LRRC37A: variants seen among roughly 807,000 people sequenced by gnomAD.
The protein encoded by LRRC37A is leucine-rich repeat-containing protein 37A.
Under a neutral mutation model 35.4 loss-of-function variants are expected in LRRC37A, and 3 were observed. That is an observed-to-expected ratio of 0.08 (90% CI 0.04 to 0.22). LRRC37A has a LOEUF of 0.22. Among genes scored for constraint, LRRC37A ranks in the 10% least tolerant of loss-of-function variants. LRRC37A has a pLI of 1.00. For missense variants in LRRC37A, 67 were observed against 565.3 expected (o/e 0.12, Z 8.94); for synonymous variants, 23 against 215.0 (o/e 0.11, Z 7.81).
the LRRC37A span, among the ~76,000 whole-genome samples, chr17:46,257,088 T>C: frequency 6.6e-6 from 1 of 152,196 alleles, no homozygotes; most frequent in Admixed American, 6.5e-5. Context: ...AACCTTTCTG[T>C]GCCTCAGTTA....
the LRRC37A span, among the ~76,000 whole-genome samples, chr17:46,279,139 T>C: frequency 1.3e-5 from 2 of 152,140 alleles, no homozygotes; most frequent in Non-Finnish European, 2.9e-5. Context: ...TAAATATTTT[T>C]CTCTATACCA....
chr17:46,253,410 GAGGTTGT>G, the LRRC37A span, among the ~76,000 whole-genome samples: 1 of 152,100 alleles, frequency 6.6e-6, no homozygotes, highest in Non-Finnish European at 1.5e-5. Context: ...CTGGGAGGTG[GAGGTTGT>G]AGCCAGCCGA....
the LRRC37A span, among the ~76,000 whole-genome samples, chr17:46,280,523 T>C: frequency 7.9e-5 from 12 of 151,504 alleles, no homozygotes; most frequent in Admixed American, 7.9e-4. Flanking sequence ...TAAAAATATA[T>C]ATTATTAAAA....
At chr17:46,267,269 A>G in the LRRC37A span, 11 of 1,047,472 alleles carry the variant, frequency 1.1e-5, no homozygotes, top group Non-Finnish European at 1.5e-5. Context: ...CTAAAAACCA[A>G]CGCCCAGGGA....
chr17:46,262,610 C>A, the LRRC37A span, among the ~76,000 whole-genome samples: 1 of 152,036 alleles, frequency 6.6e-6, no homozygotes, highest in East Asian at 1.9e-4. Flanking sequence ...TTATAATTTC[C>A]TTCTTCATAA....
At chr17:46,277,653 C>CTTTCTTTCTTTTTT in the LRRC37A span, among the ~76,000 whole-genome samples, 1 of 137,864 alleles carries the variant, frequency 7.3e-6, no homozygotes, top group Non-Finnish European at 1.6e-5. Context: ...TTCTTTCTTT[C>CTTTCTTTCTTTTTT]TTTTTTTTTT....
chr17:46,300,077 T>C (rs1337462786), intron 2 of LRRC37A, among the ~76,000 whole-genome samples: 1 of 62,618 alleles, frequency 1.6e-5, no homozygotes, highest in Non-Finnish European at 4.8e-5. Context: ...TTTTTTATCA[T>C]ACAAATAGTA....
the LRRC37A span, among the ~76,000 whole-genome samples, chr17:46,272,800 A>G: frequency 1.3e-5 from 2 of 152,272 alleles, no homozygotes; most frequent in Non-Finnish European, 2.9e-5. Flanking sequence ...ATGTATTTGT[A>G]TGGTGATAGA....
intron 7 of LRRC37A, among the ~76,000 whole-genome samples, chr17:46,324,344 TTTTTTTC>T (rs1468683399): frequency 8.9e-5 from 7 of 78,378 alleles, no homozygotes; most frequent in African/African-American, 2.7e-4. Context: ...TAAGTTAGCA[TTTTTTTC>T]TTAAATGGCT....
chr17:46,248,929 C>T, the LRRC37A span, among the ~76,000 whole-genome samples: 1 of 151,630 alleles, frequency 6.6e-6, no homozygotes, highest in Admixed American at 6.6e-5. Flanking sequence ...TTCAACTGAA[C>T]ATGGATGGAG....
At chr17:46,251,140 T>C in the LRRC37A span, among the ~76,000 whole-genome samples, 1 of 152,172 alleles carries the variant, frequency 6.6e-6, no homozygotes, top group African/African-American at 2.4e-5. Flanking sequence ...AGGTGAATTG[T>C]CTGTTTTATC....
chr17:46,271,209 A>C, the LRRC37A span, among the ~76,000 whole-genome samples: 1 of 137,312 alleles, frequency 7.3e-6, no homozygotes, highest in Non-Finnish European at 1.5e-5. Flanking sequence ...CTTGTTGCCT[A>C]GGCTGGAGTG....
the LRRC37A span, chr17:46,259,626 C>T: frequency 6.2e-7 from 1 of 1,602,216 alleles, no homozygotes; most frequent in South Asian, 1.1e-5. Context: ...GTGCCTGCAG[C>T]AGCCCTACAG....
At chr17:46,290,570 C>G (rs2050039038), upstream of LRRC37A, among the ~76,000 whole-genome samples, 1 of 152,186 alleles carries the variant, frequency 6.6e-6, no homozygotes, top group Non-Finnish European at 1.5e-5. Flanking sequence ...CCTCAGCCTC[C>G]CAGGCAGCTG....
chr17:46,287,877 CA>C (rs1220480184), upstream of LRRC37A, among the ~76,000 whole-genome samples: 1 of 152,178 alleles, frequency 6.6e-6, no homozygotes, highest in Non-Finnish European at 1.5e-5. Flanking sequence ...GACGTAATGA[CA>C]AAAGAAAAAG....
At chr17:46,324,723 C>A (rs1184247442) in intron 7 of LRRC37A, among the ~76,000 whole-genome samples, 3 of 70,060 alleles carry the variant, frequency 4.3e-5, no homozygotes, top group Admixed American at 1.6e-4. Flanking sequence ...GCCTGTAGTC[C>A]CAGCTACTAG....
chr17:46,292,898 T>C (rs1290779421), upstream of LRRC37A: 60 of 74,398 alleles, frequency 8.1e-4, 4 homozygotes, highest in African/African-American at 2.0e-3. Context: ...ATGGTGGTTC[T>C]GTAAGCGTAT....
chr17:46,290,667 G>A (rs1186733076), upstream of LRRC37A, among the ~76,000 whole-genome samples: 2 of 152,092 alleles, frequency 1.3e-5, no homozygotes, highest in Non-Finnish European at 2.9e-5. Flanking sequence ...GGCTGGTCTC[G>A]AACTCCTGAC....
chr17:46,253,287 G>T, the LRRC37A span, among the ~76,000 whole-genome samples: 1 of 150,238 alleles, frequency 6.7e-6, no homozygotes, highest in Non-Finnish European at 1.5e-5. Flanking sequence ...GGGCAGAGAC[G>T]CTCCTCCCTT....
Sources: gnomAD v4.1 joint callset for allele counts (sites outside exome capture counted in the v4.1 genomes callset) on GRCh38, gnomAD v4.1.1 for gene constraint, MANE v1.5 for transcripts, NCBI Gene and HGNC (gene_info 2026-07-23, HGNC 2026-07-21) for gene names.